Variants in RFWD3 observed in about 807,000 individuals in gnomAD.
The protein encoded by RFWD3 is E3 ubiquitin-protein ligase RFWD3.
RFWD3 carries 65 observed loss-of-function variants against 87.7 expected under a neutral mutation model. The observed-to-expected ratio is 0.74, with a 90% CI of 0.61 to 0.91. The LOEUF is 0.91. Ranked by LOEUF, RFWD3 falls within the 40% of genes least tolerant of loss-of-function variation. The pLI, the probability that RFWD3 is intolerant of heterozygous loss-of-function variation, is 0.00. For synonymous variants in RFWD3, 433 were observed against 352.8 expected (o/e 1.23, Z -2.55); for missense variants, 1,078 against 938.5 (o/e 1.15, Z -1.94).
chr16:74,658,936 T>A (rs1961213337), intron 2 of RFWD3, among the ~76,000 whole-genome samples: 1 of 151,882 alleles, frequency 6.6e-6, no homozygotes, highest in South Asian at 2.1e-4. Context: ...CCCGGCTAAT[T>A]TTTTGTATTT....
chr16:74,644,902 A>T (rs1323145485), intron 4 of RFWD3, among the ~76,000 whole-genome samples, 167 bp from the exon 5 acceptor site: 1 of 152,252 alleles, frequency 6.6e-6, no homozygotes, highest in Non-Finnish European at 1.5e-5. Context: ...CTAGAATGCA[A>T]TGTCACAAAA....
intron 2 of RFWD3, among the ~76,000 whole-genome samples, chr16:74,653,659 A>AT (rs1159081902): frequency 6.6e-6 from 1 of 152,232 alleles, no homozygotes; most frequent in Non-Finnish European, 1.5e-5. Context: ...TTAAAAAAAA[A>AT]TTTAAAACAA....
intron 4 of RFWD3, among the ~76,000 whole-genome samples, chr16:74,646,027 C>T (rs1348000722): frequency 1.3e-5 from 2 of 151,934 alleles, no homozygotes; most frequent in African/African-American, 2.4e-5. Context: ...GGATTACAGA[C>T]GTGAGCCACC....
chr16:74,659,581 CA>C lies in RFWD3; in HGVS notation c.518+1350del, dbSNP rs1961268697. 2.8e-5 allele frequency among the ~76,000 whole-genome samples: 4 copies of C among 142,902 alleles called. No homozygotes were observed. The Admixed American group carries it at 2.8e-4, about 10-fold the overall frequency. 93.7% of individuals were successfully genotyped at this position (142,902 alleles called of 152,430 possible). ...CTGCACTCCAGCCTGAGTGACAGAG[CA>C]AGACTCTTGTCTTAAAAACAAAAAA... On this transcript the variant is annotated intron_variant, in intron 2 of 12. Transcript: ENST00000361070.
chr16:74,632,635 T>G lies in RFWD3; in HGVS notation c.1465A>C (p.Ser489Arg). ...CCATGCATCGGAATGTACTGACTGCTCTTCATGTTGGCAGTACTCAACATC... is the reference window on the plus strand; with the variant it reads ...CCATGCATCGGAATGTACTGACTGCGCTTCATGTTGGCAGTACTCAACATC... ...VKMLSTANMK[S>R]SQYIPMHGKQ... is the part of the protein sequence containing the mutation. The change falls in exon 9 of 13, where the codon AGC becomes CGC. Residue 489 changes from serine to arginine, a missense_variant. Transcript: ENST00000361070. 1 of 1,614,070 alleles carries G rather than the reference T, an allele frequency of 6.2e-7. No individual in the cohort carries two copies. The highest frequency in any genetic ancestry group is 8.5e-7 in the Non-Finnish European group (1 of 1,179,984).
intron 1 of RFWD3, chr16:74,664,494 T>C (rs1961720472): frequency 6.6e-6 from 1 of 152,210 alleles, no homozygotes; most frequent in African/African-American, 2.4e-5. Context: ...CCCACGCCTA[T>C]AATCCCAGCA....
intron 12 of RFWD3, among the ~76,000 whole-genome samples, chr16:74,624,800 A>T (rs1023416620): frequency 4.6e-5 from 7 of 152,188 alleles, no homozygotes; most frequent in Admixed American, 3.9e-4. Flanking sequence ...GATTGAGACC[A>T]GCTGGGGCAA....
chr16:74,623,996 C>G lies in RFWD3; in HGVS notation c.2257G>C (p.Glu753Gln). Residue 753 changes from glutamate (E) to glutamine (Q), a missense_variant, in exon 13 of 13, where the codon GAG becomes CAG. Physicochemically the swap from Glu to Gln is conservative, Grantham distance 29. Transcript: ENST00000361070. ...DQPVLDICPF[E>Q]VNRNSYLATL... ...GCCAAGTAGCTGTTACGGTTCACCT[C>G]AAATGGGCAGATGTCCAACACAGGC... is the stretch of plus-strand genomic sequence containing the variant. 1 of 1,614,110 alleles carries G rather than the reference C, an allele frequency of 6.2e-7. No individual in the cohort carries two copies. Among genetic ancestry groups the G allele is most frequent in the Non-Finnish European group, 8.5e-7 (1 of 1,180,016 alleles).
At chr16:74,626,742 T>C (rs1471179534) in intron 11 of RFWD3, among the ~76,000 whole-genome samples, 188 bp from the exon 12 acceptor site, 1 of 152,148 alleles carries the variant, frequency 6.6e-6, no homozygotes, top group Non-Finnish European at 1.5e-5. Context: ...AACCGTAGGC[T>C]AGCATCAGTG....
intron 10 of RFWD3, among the ~76,000 whole-genome samples, chr16:74,630,102 T>G (rs1184169913): frequency 6.6e-6 from 1 of 152,086 alleles, no homozygotes; most frequent in African/African-American, 2.4e-5. Flanking sequence ...TGTGGCTATT[T>G]TTTTTTTTCT....
In RFWD3 at chr16:74,623,896, A is replaced by G. The variant is rs1057011623; in HGVS notation, c.*32T>C. On this transcript the variant is annotated 3_prime_UTR_variant, in exon 13 of 13. Transcript: ENST00000361070. The stretch of plus-strand genomic sequence containing the variant: ...AGGCGCTAGCAAACAACATCTAACC[A>G]GCAGCATGCCTTCAAGGTTTCGAGA... The G allele has an allele frequency of 1.2e-5, 19 of 1,612,010 alleles. No homozygotes were observed. In the African/African-American group the frequency reaches 1.5e-4, roughly 12 times the overall value.
intron 3 of RFWD3, among the ~76,000 whole-genome samples, chr16:74,651,158 G>A (rs1960531386): frequency 1.3e-5 from 2 of 152,112 alleles, no homozygotes; most frequent in South Asian, 2.1e-4. Flanking sequence ...CTGAAAGAGC[G>A]CCCTCTGGGG....
In RFWD3 at chr16:74,630,847, G is replaced by A; in HGVS notation, c.1688C>T (p.Ser563Leu). 1 of 1,613,886 alleles carries A rather than the reference G, an allele frequency of 6.2e-7. No homozygotes were observed. Among genetic ancestry groups the A allele is most frequent in the Non-Finnish European group, 8.5e-7 (1 of 1,179,936 alleles). ...NYIYAGLANG[S>L]ILVYDVRNTS... ...GTTTCGCACGTCATATACCAGAATTGAACCATTGGCCAGTCCAGCATAGAT... is the reference window on the plus strand; with the variant it reads ...GTTTCGCACGTCATATACCAGAATTAAACCATTGGCCAGTCCAGCATAGAT... The change falls in exon 10 of 13, where the codon TCA becomes TTA. Residue 563 changes from serine (S) to leucine (L), a missense_variant. Transcript: ENST00000361070.
In RFWD3 at chr16:74,630,707, T is replaced by C. The variant is rs530244784; in HGVS notation, c.1754+74A>G. 5.6e-5 allele frequency: 76 copies of C among 1,355,050 alleles called. 1 individual carries two copies. The highest frequency in any genetic ancestry group is 3.9e-4 in the African/African-American group (26 of 67,144). 83.9% of individuals were successfully genotyped at this position (1,355,050 alleles called of 1,614,324 possible). A position where few individuals can be genotyped will look rare whatever the true frequency, so the allele number is the denominator to read the frequency against. ...TTCTGACTAACTGTGGAACACCCAC[T>C]GAAGAGACGATTAACACAATAATAA... On this transcript the variant is annotated intron_variant, in intron 10 of 12. Transcript: ENST00000361070.
At chr16:74,652,753 A>G (rs917566582) in intron 2 of RFWD3, among the ~76,000 whole-genome samples, 11 of 152,224 alleles carry the variant, frequency 7.2e-5, no homozygotes, top group Non-Finnish European at 1.5e-4. Context: ...TAAAATAACC[A>G]CTACTGTACC....
At chr16:74,642,883 T>A (rs1479247612) in intron 6 of RFWD3, among the ~76,000 whole-genome samples, 1 of 152,222 alleles carries the variant, frequency 6.6e-6, no homozygotes, top group East Asian at 1.9e-4. Context: ...TTAGTCTGTA[T>A]CGGCATTTTG....
At chr16:74,643,482 T>C (rs1423294601) in intron 6 of RFWD3, among the ~76,000 whole-genome samples, 3 of 152,160 alleles carry the variant, frequency 2.0e-5, no homozygotes, top group Non-Finnish European at 4.4e-5. Context: ...AATGTTTCTT[T>C]AGAATGCCTG....
At chr16:74,645,139 G>A (rs925293006) in intron 4 of RFWD3, among the ~76,000 whole-genome samples, 1 of 152,200 alleles carries the variant, frequency 6.6e-6, no homozygotes, top group African/African-American at 2.4e-5. Context: ...GCAAATTAAA[G>A]AGACCATTTT....
chr16:74,636,806 T>C lies in RFWD3; in HGVS notation c.1195-229A>G, dbSNP rs1959207654. On this transcript the variant is annotated intron_variant, in intron 7 of 12. Transcript: ENST00000361070. ...TTGGCTCACTGCAACCTCCATCTCC[T>C]GGGTTCAAGCACTTCTGCCTCAGCC... Among the ~76,000 whole-genome samples, 4 of 151,192 alleles carry C rather than the reference T, an allele frequency of 2.6e-5. 1 individual carries two copies. The highest frequency in any genetic ancestry group is 2.6e-4 in the Admixed American group (4 of 15,178).
Sources: allele counts gnomAD v4.1 joint callset (sites outside exome capture counted in the v4.1 genomes callset), GRCh38; gene constraint gnomAD v4.1.1; transcripts MANE v1.5; gene names NCBI Gene and HGNC (gene_info 2026-07-23, HGNC 2026-07-21).